TRIM41: variants seen among roughly 807,000 people sequenced by gnomAD.
TRIM41 encodes the protein E3 ubiquitin-protein ligase TRIM41.
TRIM41 carries 21 observed loss-of-function variants against 60.6 expected under a neutral mutation model. That is an observed-to-expected ratio of 0.35 (90% CI 0.25 to 0.50). The LOEUF is 0.50. TRIM41 is among the 20% of genes least tolerant of loss of function. TRIM41 has a pLI of 0.98. For synonymous variants in TRIM41, 407 were observed against 344.9 expected, an observed-to-expected ratio of 1.18 and a Z score of -2.00; for missense variants, 846 against 868.3, an observed-to-expected ratio of 0.97 and a Z score of 0.32.
Position 181,224,345 on chromosome 5 carries a change from A to T in TRIM41, c.346A>T (p.Ser116Cys), listed in dbSNP as rs758879918. The change falls in exon 1 of 6, where the codon AGC becomes TGC. Residue 116 changes from serine (S) to cysteine (C), a missense_variant. Physicochemically the swap from Ser to Cys is moderately radical, Grantham distance 112 (BLOSUM62 -1). Coordinates refer to ENST00000315073, the MANE Select transcript of TRIM41 (RefSeq NM_033549.5). The stretch of plus-strand genomic sequence containing the variant: ...CTGGACCAGTGGCATGAGCAGGTCC[A>T]GCTGGGACAACATGGACTATGTGTG... ...VFWTSGMSRS[S>C]WDNMDYVWEE... The T allele has an allele frequency of 6.2e-7, 1 of 1,613,728 alleles. No homozygotes were observed. The highest frequency in any genetic ancestry group is 8.5e-7 in the Non-Finnish European group (1 of 1,179,918).
rs1758362801 is a variant in TRIM41 at position 181,223,282 on chromosome 5, C to T, written c.-718C>T. On this transcript the variant is annotated 5_prime_UTR_variant, in exon 1 of 6. Coordinates refer to ENST00000315073, the MANE Select transcript of TRIM41 (RefSeq NM_033549.5). ...GGCGCGCCGCGGACCCACCCCCTCGCTTCCGGCATCGGCTGTGGGGAGTAC... is the reference window on the plus strand; with the variant it reads ...GGCGCGCCGCGGACCCACCCCCTCGTTTCCGGCATCGGCTGTGGGGAGTAC... 3 of 398,808 alleles carry T rather than the reference C, an allele frequency of 7.5e-6. No individual in the cohort carries two copies. Among genetic ancestry groups the T allele is most frequent in the South Asian group, 1.3e-4 (1 of 7,904 alleles). The allele number at this position is 398,808 out of a possible 1,614,324, so 24.7% of individuals were successfully genotyped here.
Position 181,235,637 on chromosome 5 carries a change from G to C in TRIM41, c.*862G>C. 1.1e-5 allele frequency: 6 copies of C among 541,872 alleles called. No individual in the cohort carries two copies. The highest frequency in any genetic ancestry group is 2.5e-5 in the South Asian group (1 of 39,666). The allele number at this position is 541,872 out of a possible 1,614,324, so 33.6% of individuals were successfully genotyped here. On this transcript the variant is annotated 3_prime_UTR_variant, in exon 6 of 6. Coordinates refer to ENST00000315073, the MANE Select transcript of TRIM41 (RefSeq NM_033549.5). ...TTGGCAAGCTCTGAGGGGGAGCCTG[G>C]GGACGGGTTTGGGTCCCCAGGAGGA...
Position 181,223,442 on chromosome 5 carries a change from G to A in TRIM41, c.-558G>A, listed in dbSNP as rs1174861695. 2 of 400,524 alleles carry A rather than the reference G, an allele frequency of 5.0e-6. No homozygotes were observed. Among genetic ancestry groups the A allele is most frequent in the Non-Finnish European group, 8.8e-6 (2 of 227,366 alleles). The allele number at this position is 400,524 out of a possible 1,614,324, so 24.8% of individuals were successfully genotyped here. A position where few individuals can be genotyped will look rare whatever the true frequency, so the allele number is the denominator to read the frequency against. On this transcript the variant is annotated 5_prime_UTR_variant, in exon 1 of 6. Transcript: ENST00000315073. ...CCAGCGGCGGGGGATGGGGGTAGGC[G>A]GTTCCTCTGTTCTTTCTGCGTTCCC...
chr5:181,224,027 C>G lies in TRIM41; in HGVS notation c.28C>G (p.Pro10Ala). 2.5e-6 allele frequency: 4 copies of G among 1,614,090 alleles called. No individual in the cohort carries two copies. The South Asian group carries it at 4.4e-5, about 18-fold the overall frequency. The change falls in exon 1 of 6, where the codon CCT (proline) becomes GCT (alanine). Residue 10 changes from proline to alanine, a missense_variant. By Grantham distance (27) the Pro-to-Ala change is conservative. Transcript: ENST00000315073. MAAVAMTPN[P>A]VQTLQEEAVC... ...GGCTGCCGTTGCCATGACACCCAAC[C>G]CTGTGCAGACCCTTCAGGAGGAGGC...
In TRIM41 at chr5:181,232,747, G is replaced by A. The variant is rs149754653; in HGVS notation, c.998G>A (p.Arg333Gln). ...GCTGAAGAGCAGGCAGGGCTGGAAC[G>A]GCGTCTCAGAGAGATGCATGAAGCC... Reference protein sequence around the residue: ...FLAEEQAGLERRLREMHEAQL... With the variant: ...FLAEEQAGLEQRLREMHEAQL... The change falls in exon 3 of 6, where the codon CGG becomes CAG. Residue 333 changes from arginine (R) to glutamine (Q), a missense_variant. By Grantham distance (43) the Arg-to-Gln change is conservative (BLOSUM62 1). Coordinates refer to ENST00000315073, the MANE Select transcript of TRIM41 (RefSeq NM_033549.5). 1.7e-4 allele frequency: 271 copies of A among 1,613,704 alleles called. No individual in the cohort carries two copies. The highest frequency in any genetic ancestry group is 2.2e-4 in the Non-Finnish European group (257 of 1,179,996).
rs773510827 is a variant in TRIM41 at position 181,234,476 on chromosome 5, C to T, written c.1594C>T (p.His532Tyr). The change falls in exon 6 of 6, where the codon CAT (histidine) becomes TAT (tyrosine). Residue 532 changes from histidine to tyrosine, a missense_variant. Physicochemically the swap from His to Tyr is moderately conservative, Grantham distance 83 (BLOSUM62 2). Coordinates refer to ENST00000315073, the MANE Select transcript of TRIM41 (RefSeq NM_033549.5). The surrounding 1 kb of genome is among the most constrained non-coding windows in gnomAD (Gnocchi z 5.6). ...SGDASSSRHH[H>Y]RRRRLHLPQQ... Reference sequence around the variant, plus strand: ...GGATGCCAGCTCCTCGCGCCATCACCATCGCCGCCGCCGGCTCCACCTGCC... The same window carrying T: ...GGATGCCAGCTCCTCGCGCCATCACTATCGCCGCCGCCGGCTCCACCTGCC... The T allele has an allele frequency of 2.0e-5, 32 of 1,613,356 alleles. No homozygotes were observed. The highest frequency in any genetic ancestry group is 2.7e-5 in the Non-Finnish European group (32 of 1,179,630).
Position 181,224,159 on chromosome 5 carries a change from G to A in TRIM41, c.160G>A (p.Glu54Lys). 6.2e-7 allele frequency: 1 copy of A among 1,614,254 alleles called. No homozygotes were observed. Among genetic ancestry groups the A allele is most frequent in the East Asian group, 2.2e-5 (1 of 44,886 alleles). ...VTQLWGGEDE[E>K]DRDELDREEE... Reference sequence around the variant, plus strand: ...CCAGTTGTGGGGTGGGGAGGATGAGGAGGACAGAGATGAGTTAGATCGGGA... The same window carrying A: ...CCAGTTGTGGGGTGGGGAGGATGAGAAGGACAGAGATGAGTTAGATCGGGA... The change falls in exon 1 of 6, where the codon GAG becomes AAG. Residue 54 changes from glutamate to lysine, a missense_variant. Physicochemically the swap from Glu to Lys is moderately conservative, Grantham distance 56 (BLOSUM62 1). Coordinates refer to ENST00000315073, the MANE Select transcript of TRIM41 (RefSeq NM_033549.5).
chr5:181,234,230 C>T lies in TRIM41; in HGVS notation c.1348C>T (p.Arg450Cys), dbSNP rs150494945. The change falls in exon 6 of 6, where the codon CGC (arginine) becomes TGC (cysteine). Residue 450 changes from arginine (R) to cysteine (C), a missense_variant. Physicochemically the swap from Arg to Cys is radical, Grantham distance 180. Transcript: ENST00000315073. The surrounding 1 kb of genome is among the most constrained non-coding windows in gnomAD (Gnocchi z 5.6). ...CCCGGCCCTGATGCTGTCCCCTGAC[C>T]GCCGGGGGGTCCGCCTGGCAGAGCG... is the stretch of plus-strand genomic sequence containing the variant. ...AHPALMLSPD[R>C]RGVRLAERRQ... 3.2e-5 allele frequency: 52 copies of T among 1,613,262 alleles called. No individual in the cohort carries two copies. Among genetic ancestry groups the T allele is most frequent in the African/African-American group, 8.0e-5 (6 of 74,932 alleles).
chr5:181,224,195 G>A lies in TRIM41; in HGVS notation c.196G>A (p.Glu66Lys). 1 of 1,613,802 alleles carries A rather than the reference G, an allele frequency of 6.2e-7. No individual in the cohort carries two copies. Among genetic ancestry groups the A allele is most frequent in the Non-Finnish European group, 8.5e-7 (1 of 1,179,834 alleles). The change falls in exon 1 of 6, where the codon GAG becomes AAG. Residue 66 changes from glutamate (E) to lysine (K), a missense_variant. Physicochemically the swap from Glu to Lys is moderately conservative, Grantham distance 56 (BLOSUM62 1). Transcript: ENST00000315073. ...TGAGTTAGATCGGGAGGAGGAGGAG[G>A]AGGACGGAGAGGAGGAGGAAGTGGA... ...RDELDREEEE[E>K]DGEEEEVEAV...
chr5:181,233,715 G>C lies in TRIM41; in HGVS notation c.1243G>C (p.Asp415His), dbSNP rs1302528061. ...ACCCCATAGCCATGACTTCCTGACAGATGCCATCGTGAGGAAAATGAGCCG... is the reference window on the plus strand; with the variant it reads ...ACCCCATAGCCATGACTTCCTGACACATGCCATCGTGAGGAAAATGAGCCG... ...CQPHSHDFLT[D>H]AIVRKMSRMF... is the part of the protein sequence containing the mutation. The change falls in exon 5 of 6, where the codon GAT (aspartate) becomes CAT (histidine). Residue 415 changes from aspartate (D) to histidine (H), a missense_variant. Coordinates refer to ENST00000315073, the MANE Select transcript of TRIM41 (RefSeq NM_033549.5). The surrounding 1 kb of genome is among the most constrained non-coding windows in gnomAD (Gnocchi z 4.1). 6.2e-7 allele frequency: 1 copy of C among 1,614,098 alleles called. No homozygotes were observed. The highest frequency in any genetic ancestry group is 1.3e-5 in the African/African-American group (1 of 74,924).
At position 181,223,334 on chromosome 5, in the gene TRIM41, G is replaced by A. The variant is rs1280016276; in HGVS notation, c.-666G>A. 3 of 399,542 alleles carry A rather than the reference G, an allele frequency of 7.5e-6. No homozygotes were observed. The highest frequency in any genetic ancestry group is 4.4e-5 in the Admixed American group (1 of 22,850). The allele number at this position is 399,542 out of a possible 1,614,324, so 24.7% of individuals were successfully genotyped here. A position where few individuals can be genotyped will look rare whatever the true frequency, so the allele number is the denominator to read the frequency against. On this transcript the variant is annotated 5_prime_UTR_variant, in exon 1 of 6. Transcript: ENST00000315073. ...GGCTGCAGTCGGCTGTGCCGGGAGG[G>A]TAGGATGGCGTCTGGCCGATGCGGT... is the stretch of plus-strand genomic sequence containing the variant.
At position 181,224,743 on chromosome 5, in the gene TRIM41, G is replaced by T; in HGVS notation, c.744G>T (p.Val248=). ...CEVDEEAICV[V]CRESRSHKQH... ...TAGACGAAGAGGCCATCTGTGTGGTGTGCCGAGAATCCAGGAGCCACAAAC... is the reference window on the plus strand; with the variant it reads ...TAGACGAAGAGGCCATCTGTGTGGTTTGCCGAGAATCCAGGAGCCACAAAC... Residue 248 remains valine, a synonymous_variant, in exon 1 of 6, where the codon GTG becomes GTT. Coordinates refer to ENST00000315073, the MANE Select transcript of TRIM41 (RefSeq NM_033549.5). 1 of 1,614,246 alleles carries T rather than the reference G, an allele frequency of 6.2e-7. No homozygotes were observed.
In TRIM41 at chr5:181,234,510, C is replaced by T. The variant is rs771710245; in HGVS notation, c.1628C>T (p.Pro543Leu). Residue 543 changes from proline (P) to leucine (L), a missense_variant, in exon 6 of 6, where the codon CCC becomes CTC. Pro to Leu is a moderately conservative substitution (Grantham distance 98). Transcript: ENST00000315073. The surrounding 1 kb of genome is among the most constrained non-coding windows in gnomAD (Gnocchi z 5.6). ...CGCCGGCTCCACCTGCCCCAGCAGC[C>T]CCTGCTCCAGCGGGAAGTGTGGTGC... ...RRRRLHLPQQ[P>L]LLQREVWCVG... 14 of 1,613,928 alleles carry T rather than the reference C, an allele frequency of 8.7e-6. No homozygotes were observed. Among genetic ancestry groups the T allele is most frequent in the African/African-American group, 1.3e-5 (1 of 74,934 alleles).
Position 181,235,204 on chromosome 5 carries a change from C to G in TRIM41, c.*429C>G. Reference sequence around the variant, plus strand: ...CAAGGCAACATCCCCATTCCAATTCCATTTTCTGATGCAGATTTTAGCTGA... The same window carrying G: ...CAAGGCAACATCCCCATTCCAATTCGATTTTCTGATGCAGATTTTAGCTGA... On this transcript the variant is annotated 3_prime_UTR_variant, in exon 6 of 6. Transcript: ENST00000315073. The G allele has an allele frequency of 1.3e-6, 2 of 1,552,460 alleles. No homozygotes were observed. The highest frequency in any genetic ancestry group is 2.4e-5 in the South Asian group (2 of 83,914).
chr5:181,224,793 A>T lies in TRIM41; in HGVS notation c.794A>T (p.Glu265Val). The T allele has an allele frequency of 6.2e-7, 1 of 1,614,154 alleles. No individual in the cohort carries two copies. Among genetic ancestry groups the T allele is most frequent in the South Asian group, 1.1e-5 (1 of 91,078 alleles). ...CAGCACAGCGTGGTGCCATTGGAGG[A>T]GGTGGTGCAGGAGTACAAGGTGAGA... The part of the protein sequence containing the change: ...HKQHSVVPLE[E>V]VVQEYKAKLQ... Residue 265 changes from glutamate (E) to valine (V), a missense_variant, in exon 1 of 6, where the codon GAG becomes GTG. Transcript: ENST00000315073.
Position 181,233,288 on chromosome 5 carries a change from T to C in TRIM41, c.1141-125T>C. The C allele has an allele frequency of 1.0e-6, 1 of 990,824 alleles. No homozygotes were observed. Among genetic ancestry groups the C allele is most frequent in the Non-Finnish European group, 1.6e-6 (1 of 622,398 alleles). 61.4% of individuals were successfully genotyped at this position (990,824 alleles called of 1,614,324 possible). On this transcript the variant is annotated intron_variant, in intron 3 of 5. Transcript: ENST00000315073. This position sits in a 1 kb window ranked among gnomAD's most constrained non-coding sequence, Gnocchi z 4.1. The stretch of plus-strand genomic sequence containing the variant: ...GTGTGTTCATTGAGGGCCGTGAGGG[T>C]GCTGCTTCTCCCTTCCTGCTCAGGT...
At chr5:181,230,988 G>A (rs924137191) in intron 2 of TRIM41, 149 bp downstream of exon 2, 2 of 637,852 alleles carry the variant, frequency 3.1e-6, no homozygotes, top group African/African-American at 3.6e-5. Context: ...TAGGTGCTGA[G>A]GAGAGCGGGG....
chr5:181,225,017 C>G, intron 1 of TRIM41: 1 of 653,654 alleles, frequency 1.5e-6, no homozygotes, highest in South Asian at 2.0e-5. Flanking sequence ...GTGAAGACGA[C>G]CAGGGAAGGA....
At chr5:181,231,911 T>C (rs1425439358) in intron 2 of TRIM41, 1 of 152,254 alleles carries the variant, frequency 6.6e-6, no homozygotes, top group East Asian at 1.9e-4. Flanking sequence ...AGGGTGGGAC[T>C]GGGCAGGAGT....
Sources: allele counts gnomAD v4.1 joint callset, GRCh38; gene constraint gnomAD v4.1.1; non-coding constraint Gnocchi (gnomAD v3.1); transcripts MANE v1.5; gene names NCBI Gene and HGNC (gene_info 2026-07-23, HGNC 2026-07-21).